Variants in SERINC3 observed in about 807,000 individuals in gnomAD.
SERINC3 encodes the protein serine incorporator 3, also known as tumor differentially expressed protein 1.
In SERINC3, 22 loss-of-function variants were observed where a neutral mutation model predicts 52.1. The observed-to-expected ratio is 0.42, with a 90% CI of 0.30 to 0.60. The LOEUF (loss-of-function observed/expected upper bound fraction) is 0.60, where lower values mean the gene tolerates loss of function less well. SERINC3 is among the 20% of genes least tolerant of loss of function. The pLI is 0.16. For missense variants in SERINC3, 564 were observed against 584.6 expected (o/e 0.96, Z 0.36); for synonymous variants, 226 against 212.7 (o/e 1.06, Z -0.54).
chr20:44,521,554 A>G (rs2064416538), intron 1 of SERINC3, among the ~76,000 whole-genome samples: 1 of 152,242 alleles, frequency 6.6e-6, no homozygotes, highest in Non-Finnish European at 1.5e-5. Context: ...CTAGAACTAA[A>G]TGATGGCACC....
intron 8 of SERINC3, among the ~76,000 whole-genome samples, 199 bp downstream of exon 8, chr20:44,503,616 C>G (rs2064293172): frequency 6.6e-6 from 1 of 152,184 alleles, no homozygotes; most frequent in Non-Finnish European, 1.5e-5. Context: ...CCACTGCACT[C>G]CAGCCTAGGT....
intron 1 of SERINC3, 92 bp from the exon 2 acceptor site, chr20:44,514,132 G>A: frequency 1.5e-6 from 2 of 1,349,974 alleles, no homozygotes; most frequent in African/African-American, 1.5e-5. Context: ...GGCAAATCAG[G>A]CTTTATAGTT....
At chr20:44,504,425 T>C (rs909613955) in intron 7 of SERINC3, among the ~76,000 whole-genome samples, 3 of 152,228 alleles carry the variant, frequency 2.0e-5, no homozygotes, top group African/African-American at 7.2e-5. Flanking sequence ...GAAACAATCC[T>C]ATAATAACTA....
At chr20:44,500,522 A>G in intron 9 of SERINC3, 88 bp from the exon 10 acceptor site, 1 of 1,472,300 alleles carries the variant, frequency 6.8e-7, no homozygotes, top group East Asian at 2.5e-5. Context: ...AGGCCAAGAA[A>G]TTCTCCAGTG....
rs368612849 is a variant in SERINC3, at chr20:44,511,304, C to A, written c.460G>T (p.Gly154Cys). ...TGAACCCTACCTGAGCTGAAATAGC[C>A]CCCAGGGATGTAGAAAGAGCCAACC... ...IMVGSFYIPG[G>C]YFSSVWFVVG... Residue 154 changes from glycine (G) to cysteine (C), a missense_variant, in exon 4 of 10, where the codon GGC (glycine) becomes TGC (cysteine). Physicochemically the swap from Gly to Cys is radical, Grantham distance 159 (BLOSUM62 -3). Transcript: ENST00000342374. 3 of 1,610,858 alleles carry A rather than the reference C, an allele frequency of 1.9e-6. No individual in the cohort carries two copies. Among genetic ancestry groups the A allele is most frequent in the Non-Finnish European group, 2.5e-6 (3 of 1,177,224 alleles).
At chr20:44,503,216 T>C (rs940740208) in intron 8 of SERINC3, among the ~76,000 whole-genome samples, 2 of 152,182 alleles carry the variant, frequency 1.3e-5, no homozygotes, top group African/African-American at 2.4e-5. Context: ...TCAATCCCTA[T>C]AAAAATCCCA....
At chr20:44,506,779 T>C in intron 6 of SERINC3, 48 bp downstream of exon 6, 1 of 1,308,862 alleles carries the variant, frequency 7.6e-7, no homozygotes. Context: ...ATTTTAAGCT[T>C]AGAATTAAAA....
intron 7 of SERINC3, 128 bp from the exon 8 acceptor site, chr20:44,504,123 G>A (rs1482714901): frequency 1.5e-6 from 1 of 677,868 alleles, no homozygotes; most frequent in Non-Finnish European, 2.3e-6. Flanking sequence ...TAAAAAATCT[G>A]AAACTTAGCA....
At chr20:44,505,030 A>T in intron 6 of SERINC3, 139 bp from the exon 7 acceptor site, 1 of 594,496 alleles carries the variant, frequency 1.7e-6, no homozygotes, top group Non-Finnish European at 3.0e-6. Flanking sequence ...AAAGGTGACA[A>T]GTAACCTTCT....
intron 1 of SERINC3, among the ~76,000 whole-genome samples, chr20:44,520,103 C>A (rs1286267549): frequency 6.6e-6 from 1 of 152,140 alleles, no homozygotes; most frequent in African/African-American, 2.4e-5. Context: ...ATGAAGCCTG[C>A]ATAAAAGCTC....
chr20:44,517,863 C>T (rs796069910), intron 1 of SERINC3, among the ~76,000 whole-genome samples: 25 of 152,322 alleles, frequency 1.6e-4, no homozygotes, highest in African/African-American at 5.8e-4. Context: ...AGAGCAGGTA[C>T]TCAGTAAATA....
At position 44,504,819 on chromosome 20, in the gene SERINC3, C is replaced by T. The variant is rs1409314976; in HGVS notation, c.856G>A (p.Ala286Thr). The change falls in exon 7 of 10, where the codon GCC becomes ACC. Residue 286 changes from alanine (A) to threonine (T), a missense_variant. Transcript: ENST00000342374. ...TLYTMYLTWS[A>T]MSNEPDRSCN... ...CCCTTACCAGGTTCATTGGACATGG[C>T]TGACCAGGTGAGGTACATAGTGTAG... 1 of 1,610,928 alleles carries T rather than the reference C, an allele frequency of 6.2e-7. No individual in the cohort carries two copies. The highest frequency in any genetic ancestry group is 8.5e-7 in the Non-Finnish European group (1 of 1,177,582).
At chr20:44,513,502 T>C (rs1350833984) in intron 2 of SERINC3, among the ~76,000 whole-genome samples, 1 of 152,098 alleles carries the variant, frequency 6.6e-6, no homozygotes, top group Non-Finnish European at 1.5e-5. Flanking sequence ...ATATGGTCTC[T>C]CTTCTTTGCC....
chr20:44,506,583 T>C (rs1310282823), intron 6 of SERINC3, among the ~76,000 whole-genome samples: 1 of 27,416 alleles, frequency 3.6e-5, no homozygotes, highest in Non-Finnish European at 5.6e-5. Context: ...AGACTCCATC[T>C]CAAAAAAAAA....
intron 8 of SERINC3, among the ~76,000 whole-genome samples, chr20:44,502,753 GCAC>G (rs1161170627): frequency 6.6e-6 from 1 of 151,978 alleles, no homozygotes; most frequent in African/African-American, 2.4e-5. Context: ...ACTACAGATT[GCAC>G]CACCACACCT....
chr20:44,501,608 C>G (rs112020560), intron 8 of SERINC3, among the ~76,000 whole-genome samples: 291 of 152,320 alleles, frequency 1.9e-3, no homozygotes, highest in African/African-American at 6.6e-3. Context: ...ACGTGCCAAC[C>G]TCCTTCCAAC....
At chr20:44,501,349 G>A (rs1429329911) in intron 8 of SERINC3, 49 bp from the exon 9 acceptor site, 2 of 1,470,896 alleles carry the variant, frequency 1.4e-6, no homozygotes, top group Middle Eastern at 2.0e-4. Context: ...CCATGACAAT[G>A]AACTGCTGCC....
chr20:44,504,186 GA>G (rs1176570981), intron 7 of SERINC3, among the ~76,000 whole-genome samples, 191 bp from the exon 8 acceptor site: 1 of 151,944 alleles, frequency 6.6e-6, no homozygotes, highest in Non-Finnish European at 1.5e-5. Flanking sequence ...GAAAAAAAAA[GA>G]AAACAACAAC....
At chr20:44,520,670 G>A (rs2064410846) in intron 1 of SERINC3, among the ~76,000 whole-genome samples, 1 of 152,084 alleles carries the variant, frequency 6.6e-6, no homozygotes. Flanking sequence ...TCACTGTTTG[G>A]GCAACGGAAT....
Sources: gnomAD v4.1 joint callset for allele counts (sites outside exome capture counted in the v4.1 genomes callset) on GRCh38, gnomAD v4.1.1 for gene constraint, MANE v1.5 for transcripts, NCBI Gene and HGNC (gene_info 2026-07-23, HGNC 2026-07-21) for gene names.